Variants in PSD3 observed in about 807,000 individuals in gnomAD.
PSD3 encodes pleckstrin and Sec7 domain containing 3, also known as PH and SEC7 domain-containing protein 3.
Under a neutral mutation model 105.5 loss-of-function variants are expected in PSD3, and 49 were observed. The observed-to-expected ratio is 0.46, with a 90% CI of 0.37 to 0.59. The LOEUF (loss-of-function observed/expected upper bound fraction) is 0.59. Among genes scored for constraint, PSD3 ranks in the 20% least tolerant of loss-of-function variants. PSD3 has a pLI of 0.00. For missense variants in PSD3, 1,561 were observed against 1,263.8 expected (o/e 1.24, Z -3.57); for synonymous variants, 557 against 457.8 (o/e 1.22, Z -2.77).
intron 9 of PSD3, among the ~76,000 whole-genome samples, chr8:18,694,692 T>C (rs1388338123): frequency 6.6e-6 from 1 of 151,804 alleles, no homozygotes; most frequent in Non-Finnish European, 1.5e-5. Flanking sequence ...ATTATTCTGA[T>C]AGGCTGGGTG....
At chr8:19,046,357 G>C (rs1207199581) in intron 1 of PSD3, among the ~76,000 whole-genome samples, 1 of 151,912 alleles carries the variant, frequency 6.6e-6, no homozygotes, top group Non-Finnish European at 1.5e-5. Flanking sequence ...TGATCTGCCC[G>C]CCTCAGCCTC....
intron 1 of PSD3, among the ~76,000 whole-genome samples, chr8:19,055,878 A>G (rs1019898455): frequency 6.6e-6 from 1 of 152,226 alleles, no homozygotes; most frequent in Non-Finnish European, 1.5e-5. Flanking sequence ...ACAGAAATCA[A>G]TGCAATTCAA....
chr8:18,556,390 A>AAAAC, intron 14 of PSD3, 38 bp from the exon 15 acceptor site: 2 of 1,588,546 alleles, frequency 1.3e-6, no homozygotes, highest in Non-Finnish European at 1.7e-6. Flanking sequence ...GTTCAAAAAA[A>AAAAC]AAACAAGTCA....
chr8:18,535,688 T>C lies in PSD3; in HGVS notation c.*55A>G. The C allele has an allele frequency of 2.1e-6, 3 of 1,405,990 alleles. No individual in the cohort carries two copies. The highest frequency in any genetic ancestry group is 2.3e-5 in the East Asian group (1 of 43,446). The allele number at this position is 1,405,990 out of a possible 1,614,324, so 87.1% of individuals were successfully genotyped here. A position where few individuals can be genotyped will look rare whatever the true frequency, so the allele number is the denominator to read the frequency against. Reference sequence around the variant, plus strand: ...ATATATTCACGGATTACCAGAAAGATCTTGAAAAACCCTATTTTGCTCCAT... The same window carrying C: ...ATATATTCACGGATTACCAGAAAGACCTTGAAAAACCCTATTTTGCTCCAT... On this transcript the variant is annotated 3_prime_UTR_variant, in exon 16 of 16. Transcript: ENST00000327040.
intron 9 of PSD3, among the ~76,000 whole-genome samples, chr8:18,695,360 C>T (rs889678248): frequency 6.6e-6 from 1 of 152,188 alleles, no homozygotes; most frequent in East Asian, 1.9e-4. Flanking sequence ...AAAAAGATAA[C>T]AGCATCTTTG....
At chr8:19,007,025 G>C (rs1479170166) in intron 1 of PSD3, among the ~76,000 whole-genome samples, 2 of 151,926 alleles carry the variant, frequency 1.3e-5, no homozygotes, top group Non-Finnish European at 2.9e-5. Context: ...GAGGCTGAGG[G>C]GGACAGATCA....
intron 9 of PSD3, among the ~76,000 whole-genome samples, chr8:18,726,815 C>T (rs1194300054): frequency 2.6e-5 from 4 of 152,210 alleles, no homozygotes; most frequent in Non-Finnish European, 4.4e-5. Context: ...GGGGCTCTAA[C>T]TTTAGATAGT....
chr8:18,702,230 G>C (rs1201688891), intron 9 of PSD3, among the ~76,000 whole-genome samples: 2 of 152,200 alleles, frequency 1.3e-5, no homozygotes, highest in African/African-American at 4.8e-5. Context: ...TATTGGAAAT[G>C]TATCTCTCAG....
At chr8:18,772,562 G>T (rs1307514539) in intron 8 of PSD3, among the ~76,000 whole-genome samples, 3 of 152,254 alleles carry the variant, frequency 2.0e-5, no homozygotes, top group Non-Finnish European at 4.4e-5. Context: ...AGGCTGGAGT[G>T]CAGTGGCACA....
chr8:18,545,587 T>C (rs1800407871), intron 15 of PSD3, among the ~76,000 whole-genome samples: 1 of 152,206 alleles, frequency 6.6e-6, no homozygotes, highest in African/African-American at 2.4e-5. Flanking sequence ...AGAGACTAAA[T>C]TTTGCCTAAG....
chr8:18,978,167 G>A (rs1489197637), intron 1 of PSD3, among the ~76,000 whole-genome samples: 1 of 152,354 alleles, frequency 6.6e-6, no homozygotes, highest in East Asian at 1.9e-4. Context: ...ACACAGCTCA[G>A]AGCTGAAGTT....
chr8:18,821,962 GTTCT>G (rs552468547), intron 4 of PSD3, among the ~76,000 whole-genome samples: 469 of 151,848 alleles, frequency 3.1e-3, no homozygotes, highest in Non-Finnish European at 5.4e-3. Context: ...AAGTAATCGA[GTTCT>G]TTAACTTCTA....
intron 1 of PSD3, among the ~76,000 whole-genome samples, chr8:19,058,143 A>T (rs1454713637): frequency 6.6e-6 from 1 of 152,232 alleles, no homozygotes; most frequent in African/African-American, 2.4e-5. Flanking sequence ...AACTTGGTTG[A>T]ATCTCAAAAT....
chr8:18,677,403 A>C (rs953002165), intron 9 of PSD3, among the ~76,000 whole-genome samples: 3 of 151,910 alleles, frequency 2.0e-5, no homozygotes, highest in South Asian at 2.1e-4. Flanking sequence ...CATGGCAAAA[A>C]CCCATCTCTA....
intron 9 of PSD3, among the ~76,000 whole-genome samples, chr8:18,707,834 G>T (rs1801993636): frequency 6.6e-6 from 1 of 152,208 alleles, no homozygotes; most frequent in East Asian, 1.9e-4. Context: ...AAAAAGGAAA[G>T]CCTGAATCAA....
chr8:18,761,312 G>A (rs1376435905), intron 9 of PSD3, among the ~76,000 whole-genome samples: 1 of 152,170 alleles, frequency 6.6e-6, no homozygotes, highest in Non-Finnish European at 1.5e-5. Flanking sequence ...TTTGACTACT[G>A]CCGCTAATCT....
intron 1 of PSD3, among the ~76,000 whole-genome samples, chr8:18,993,350 G>A (rs962164904): frequency 6.6e-6 from 1 of 152,042 alleles, no homozygotes. Flanking sequence ...CACTGTTAAT[G>A]TCCCCCTTTA....
intron 9 of PSD3, among the ~76,000 whole-genome samples, chr8:18,738,169 C>T (rs566504973): frequency 1.3e-5 from 2 of 152,298 alleles, no homozygotes; most frequent in East Asian, 3.9e-4. Flanking sequence ...ACATCACAAA[C>T]TGTTACCAGG....
At chr8:18,996,392 G>A (rs1003428231) in intron 1 of PSD3, among the ~76,000 whole-genome samples, 2 of 151,848 alleles carry the variant, frequency 1.3e-5, no homozygotes, top group African/African-American at 4.8e-5. Context: ...TGAACAAGAT[G>A]AGCAGACACA....
Sources: allele counts gnomAD v4.1 joint callset (sites outside exome capture counted in the v4.1 genomes callset), GRCh38; gene constraint gnomAD v4.1.1; transcripts MANE v1.5; gene names NCBI Gene and HGNC (gene_info 2026-07-23, HGNC 2026-07-21).